Variants in LRP1B observed in about 807,000 individuals in gnomAD.
LRP1B encodes low-density lipoprotein receptor-related protein 1B.
Under a neutral mutation model 556.6 loss-of-function variants are expected in LRP1B, and 217 were observed. The ratio of observed to expected loss-of-function variants is 0.39; its 90% CI spans 0.35 to 0.44. LRP1B has a LOEUF of 0.44. Among genes scored for constraint, LRP1B ranks in the 20% least tolerant of loss-of-function variants. LRP1B has a pLI of 1.00. For synonymous variants in LRP1B, 2,047 were observed against 1,865.8 expected, an observed-to-expected ratio of 1.10 and a Z score of -2.50; for missense variants, 5,053 against 5,620.8, an observed-to-expected ratio of 0.90 and a Z score of 3.23.
At chr2:141,109,032 T>C (rs140766622) in intron 7 of LRP1B, among the ~76,000 whole-genome samples, 70 of 152,318 alleles carry the variant, frequency 4.6e-4, no homozygotes, top group African/African-American at 1.6e-3. Flanking sequence ...TCCACAATAA[T>C]TCCTGTAAAT....
chr2:141,002,536 C>T (rs574072052), intron 15 of LRP1B, among the ~76,000 whole-genome samples: 10 of 152,048 alleles, frequency 6.6e-5, no homozygotes, highest in African/African-American at 2.4e-4. Context: ...TACACATATC[C>T]TTTCATATAC....
At chr2:140,302,380 T>C (rs891987327) in intron 83 of LRP1B, among the ~76,000 whole-genome samples, 2 of 152,072 alleles carry the variant, frequency 1.3e-5, no homozygotes, top group African/African-American at 4.8e-5. Context: ...CCTAAAAGAG[T>C]AAACTTTGTC....
chr2:141,128,168 G>A (rs1008396136), intron 7 of LRP1B, among the ~76,000 whole-genome samples: 3 of 152,052 alleles, frequency 2.0e-5, no homozygotes, highest in Non-Finnish European at 2.9e-5. Flanking sequence ...TAATTTTATA[G>A]CAACATAACA....
intron 2 of LRP1B, among the ~76,000 whole-genome samples, chr2:141,753,812 T>C (rs1239724465): frequency 6.6e-6 from 1 of 152,196 alleles, no homozygotes; most frequent in Non-Finnish European, 1.5e-5. Flanking sequence ...TTCTTCATAG[T>C]ACTTTTCCTT....
intron 66 of LRP1B, among the ~76,000 whole-genome samples, chr2:140,410,911 A>G (rs1265993527): frequency 1.3e-5 from 2 of 152,160 alleles, no homozygotes; most frequent in Non-Finnish European, 2.9e-5. Flanking sequence ...GTTGAACCCT[A>G]TGACAGCTAG....
chr2:141,259,600 T>C lies in LRP1B; in HGVS notation c.344-4959A>G, dbSNP rs118187671. Among the ~76,000 whole-genome samples the C allele has an allele frequency of 4.3e-4, 66 of 152,238 alleles. 1 individual carries two copies. In the East Asian group the frequency reaches 0.013, roughly 29 times the overall value. The stretch of plus-strand genomic sequence containing the variant: ...CCTTTGGGATGGCACAAGCCCACAA[T>C]GGAAAGAGCCTGAAACAGCACCTGG... On this transcript the variant is annotated intron_variant, in intron 3 of 90. Coordinates refer to ENST00000389484, the MANE Select transcript of LRP1B (RefSeq NM_018557.3).
intron 2 of LRP1B, among the ~76,000 whole-genome samples, chr2:141,646,486 C>T (rs1689570143): frequency 6.6e-6 from 1 of 152,066 alleles, no homozygotes; most frequent in African/African-American, 2.4e-5. Context: ...AAGAATAATA[C>T]ATGTAAAACG....
intron 19 of LRP1B, among the ~76,000 whole-genome samples, chr2:140,951,341 T>G (rs1287888797): frequency 6.6e-6 from 1 of 152,110 alleles, no homozygotes; most frequent in Non-Finnish European, 1.5e-5. Context: ...TGAAGGAAAA[T>G]TAGATCAAAT....
chr2:141,993,684 T>C (rs1702406298), intron 1 of LRP1B, among the ~76,000 whole-genome samples: 1 of 152,176 alleles, frequency 6.6e-6, no homozygotes, highest in Non-Finnish European at 1.5e-5. Flanking sequence ...GACTGGACCA[T>C]TATAAAGTTA....
intron 1 of LRP1B, among the ~76,000 whole-genome samples, chr2:142,030,790 C>A (rs1489672164): frequency 6.6e-6 from 1 of 151,614 alleles, no homozygotes; most frequent in Non-Finnish European, 1.5e-5. Context: ...CAAGGGCAGC[C>A]CTTGGTTATG....
chr2:141,579,521 C>T (rs1343451748), intron 2 of LRP1B, among the ~76,000 whole-genome samples: 2 of 151,826 alleles, frequency 1.3e-5, no homozygotes, highest in African/African-American at 4.8e-5. Flanking sequence ...GAGTACTGAA[C>T]GATTGCATTA....
chr2:141,187,033 AAT>A (rs1380984431), intron 7 of LRP1B, among the ~76,000 whole-genome samples: 3 of 152,064 alleles, frequency 2.0e-5, no homozygotes, highest in Non-Finnish European at 4.4e-5. Flanking sequence ...ACATGCAAGC[AAT>A]ATATTTCTCA....
chr2:140,962,077 A>C (rs1290740170), intron 18 of LRP1B, among the ~76,000 whole-genome samples: 1 of 152,236 alleles, frequency 6.6e-6, no homozygotes, highest in African/African-American at 2.4e-5. Flanking sequence ...TTTTAAAAAT[A>C]GCAATAGAAA....
chr2:140,472,565 G>A (rs1035939849), intron 60 of LRP1B, among the ~76,000 whole-genome samples: 7 of 151,928 alleles, frequency 4.6e-5, no homozygotes, highest in African/African-American at 1.7e-4. Context: ...GGGTAGATCG[G>A]GGAGCAAAGA....
At chr2:142,043,244 A>G (rs892484349) in intron 1 of LRP1B, among the ~76,000 whole-genome samples, 3 of 151,608 alleles carry the variant, frequency 2.0e-5, no homozygotes, top group Non-Finnish European at 4.4e-5. Flanking sequence ...CACAATCCAT[A>G]TAAACTTTGC....
At chr2:140,257,895 C>A (rs1681765468) in intron 86 of LRP1B, among the ~76,000 whole-genome samples, 1 of 152,104 alleles carries the variant, frequency 6.6e-6, no homozygotes, top group Admixed American at 6.5e-5. Flanking sequence ...CTCTAAGGGA[C>A]CACAAGGTCA....
rs78210209 is a variant in LRP1B at position 141,628,972 on chromosome 2, T to C, written c.206-148439A>G. Among the ~76,000 whole-genome samples, 1,050 of 152,320 alleles carry C rather than the reference T, an allele frequency of 6.9e-3. 16 individuals are homozygous for C. The highest frequency in any genetic ancestry group is 0.024 in the African/African-American group (1,010 of 41,582). On this transcript the variant is annotated intron_variant, in intron 2 of 90. Coordinates refer to ENST00000389484, the MANE Select transcript of LRP1B (RefSeq NM_018557.3). The stretch of plus-strand genomic sequence containing the variant: ...GCTGAACAAGTGTTGTATGAGGATG[T>C]AGATACATTACTGCCTTTAATTTGT...
At chr2:141,863,333 C>T (rs1038957006) in intron 1 of LRP1B, among the ~76,000 whole-genome samples, 4 of 151,858 alleles carry the variant, frequency 2.6e-5, no homozygotes, top group South Asian at 2.1e-4. Context: ...ATTGTGGTGG[C>T]GAACCAATAA....
intron 35 of LRP1B, among the ~76,000 whole-genome samples, chr2:140,731,551 C>T (rs1355608087): frequency 3.3e-5 from 5 of 151,942 alleles, no homozygotes; most frequent in East Asian, 1.9e-4. Context: ...GGGAGGATCA[C>T]GAGGTCAAGA....
Sources: gnomAD v4.1 joint callset for allele counts (sites outside exome capture counted in the v4.1 genomes callset) on GRCh38, gnomAD v4.1.1 for gene constraint, MANE v1.5 for transcripts, NCBI Gene and HGNC (gene_info 2026-07-23, HGNC 2026-07-21) for gene names.